IFT74: variants seen among roughly 807,000 people sequenced by gnomAD.
IFT74 encodes the protein intraflagellar transport protein 74 homolog.
Under a neutral mutation model 96.7 loss-of-function variants are expected in IFT74, and 92 were observed. The ratio of observed to expected loss-of-function variants is 0.95; its 90% CI spans 0.80 to 1.13. The LOEUF (loss-of-function observed/expected upper bound fraction) is 1.13, where lower values mean the gene tolerates loss of function less well. IFT74 is among the 50% of genes most tolerant of loss of function. The probability of loss-of-function intolerance (pLI) is 0.00; values close to 1 mark genes in which losing one functional copy is unlikely to be tolerated. For missense variants in IFT74, 811 were observed against 698.2 expected (o/e 1.16, Z -1.82); for synonymous variants, 223 against 213.2 (o/e 1.05, Z -0.40).
chr9:27,011,645 G>GTTT (rs56762171), intron 9 of IFT74, among the ~76,000 whole-genome samples: 3 of 133,646 alleles, frequency 2.2e-5, no homozygotes, highest in Non-Finnish European at 3.3e-5. Context: ...AACTCATGAA[G>GTTT]TTTTTTTTTT....
At chr9:26,990,222 A>C in intron 8 of IFT74, 27 bp downstream of exon 8, 2 of 1,182,486 alleles carry the variant, frequency 1.7e-6, no homozygotes, top group Non-Finnish European at 2.3e-6. Flanking sequence ...TAAAAATTAG[A>C]TTCATAAGTA....
At chr9:27,001,531 T>A (rs1321629688) in intron 8 of IFT74, among the ~76,000 whole-genome samples, 1 of 152,176 alleles carries the variant, frequency 6.6e-6, no homozygotes, top group African/African-American at 2.4e-5. Context: ...ATCATTGTAG[T>A]TTTGATTTGC....
At chr9:27,032,582 T>A (rs1401107067) in intron 13 of IFT74, among the ~76,000 whole-genome samples, 2 of 152,066 alleles carry the variant, frequency 1.3e-5, no homozygotes, top group African/African-American at 4.8e-5. Flanking sequence ...AAAAAAAGTG[T>A]CCTGGCCGGG....
intron 9 of IFT74, 151 bp downstream of exon 9, chr9:27,009,309 T>A: frequency 1.8e-6 from 1 of 544,106 alleles, no homozygotes; most frequent in Non-Finnish European, 3.1e-6. Flanking sequence ...GATTCATACG[T>A]ATATTCACAT....
At chr9:27,004,284 G>A (rs1828661133) in intron 8 of IFT74, among the ~76,000 whole-genome samples, 1 of 152,170 alleles carries the variant, frequency 6.6e-6, no homozygotes, top group South Asian at 2.1e-4. Flanking sequence ...ATTAGAAAAG[G>A]ATTTTTTTTC....
intron 8 of IFT74, chr9:26,998,001 A>T (rs768442606): frequency 6.2e-7 from 1 of 1,613,934 alleles, no homozygotes. Flanking sequence ...ACATAGATGG[A>T]GTTTCTACAG....
intron 16 of IFT74, among the ~76,000 whole-genome samples, chr9:27,053,805 A>G (rs1820037838): frequency 6.6e-6 from 1 of 152,244 alleles, no homozygotes; most frequent in African/African-American, 2.4e-5. Context: ...TTTACTCCAA[A>G]TAGTCAAAAT....
At chr9:27,025,443 C>CAAAAAAAAAAAAA (rs57335230) in intron 12 of IFT74, among the ~76,000 whole-genome samples, 6 of 77,716 alleles carry the variant, frequency 7.7e-5, no homozygotes, top group East Asian at 3.4e-4. Flanking sequence ...ACTCCATCTC[C>CAAAAAAAAAAAAA]AAAAAAAAAA....
At chr9:26,988,625 A>G (rs772472123) in intron 6 of IFT74, 44 bp from the exon 7 acceptor site, 4 of 1,493,238 alleles carry the variant, frequency 2.7e-6, no homozygotes, top group Middle Eastern at 1.8e-4. Flanking sequence ...ACATGTGTAA[A>G]GACTAACAAA....
intron 8 of IFT74, chr9:26,994,490 C>T (rs951739904): frequency 1.3e-5 from 2 of 148,248 alleles, no homozygotes; most frequent in African/African-American, 5.0e-5. Flanking sequence ...TGATCTGAGA[C>T]TGCGCTGCTG....
At chr9:26,954,286 T>C (rs1268343507), upstream of IFT74, among the ~76,000 whole-genome samples, 1 of 152,194 alleles carries the variant, frequency 6.6e-6, no homozygotes, top group Non-Finnish European at 1.5e-5. Flanking sequence ...GAATCACAAG[T>C]GGCCAACTAG....
chr9:26,996,481 A>T lies in IFT74; in HGVS notation c.587+6286A>T, dbSNP rs146705309. 4 of 1,480,598 alleles carry T rather than the reference A, an allele frequency of 2.7e-6. No homozygotes were observed. In the African/African-American group the frequency reaches 5.6e-5, roughly 21 times the overall value. The allele number at this position is 1,480,598 out of a possible 1,614,324, so 91.7% of individuals were successfully genotyped here. A position where few individuals can be genotyped will look rare whatever the true frequency, so the allele number is the denominator to read the frequency against. On this transcript the variant is annotated intron_variant, in intron 8 of 19. Coordinates refer to ENST00000380062, the MANE Select transcript of IFT74 (RefSeq NM_025103.4). ...CTGCAGGCTGTTGGGGTAGCTACAC[A>T]TGGTGATGTTCTCATTTTCTAGTAA...
At chr9:27,024,245 A>T (rs1286435498) in intron 12 of IFT74, among the ~76,000 whole-genome samples, 2 of 152,128 alleles carry the variant, frequency 1.3e-5, no homozygotes. Flanking sequence ...TACAACCAAG[A>T]ACTCTCACAG....
chr9:27,052,164 C>T (rs1819950230), intron 16 of IFT74, among the ~76,000 whole-genome samples: 1 of 152,088 alleles, frequency 6.6e-6, no homozygotes, highest in Non-Finnish European at 1.5e-5. Flanking sequence ...ATAATCAAGA[C>T]TTTGTATTCA....
intron 1 of IFT74, chr9:26,947,162 A>T (rs1825761754): frequency 8.2e-7 from 1 of 1,222,158 alleles, no homozygotes; most frequent in Non-Finnish European, 1.1e-6. Context: ...GGGCGGCCGG[A>T]GACCGGAAGA....
intron 3 of IFT74, among the ~76,000 whole-genome samples, chr9:26,979,521 C>G (rs73436012): frequency 0.064 from 9,707 of 151,982 alleles, 370 homozygotes; most frequent in Middle Eastern, 0.15. Context: ...TACCACTACA[C>G]AGAACTGTCT....
At chr9:26,971,078 G>C (rs1435737524) in intron 2 of IFT74, among the ~76,000 whole-genome samples, 1 of 152,106 alleles carries the variant, frequency 6.6e-6, no homozygotes, top group Non-Finnish European at 1.5e-5. Flanking sequence ...TCTAAACCTG[G>C]GTATGATGTT....
At chr9:26,971,598 A>G (rs1030988180) in intron 2 of IFT74, among the ~76,000 whole-genome samples, 2 of 152,202 alleles carry the variant, frequency 1.3e-5, no homozygotes, top group African/African-American at 4.8e-5. Context: ...TAAGTGAAAG[A>G]CAGGTGTTTC....
Position 27,009,022 on chromosome 9 carries a change from A to G in IFT74, c.590A>G (p.Lys197Arg), listed in dbSNP as rs1234001054. ...LDVIFTERQA[K>R]EKQIRSVEEE... is the part of the protein sequence containing the mutation. Reference sequence around the variant, plus strand: ...ATATTACGTGCTTCTGATTTTAGGAAAGAAAAACAAATCAGAAGTGTCGAA... The same window carrying G: ...ATATTACGTGCTTCTGATTTTAGGAGAGAAAAACAAATCAGAAGTGTCGAA... Residue 197 changes from lysine (K) to arginine (R), a missense_variant and splice_region_variant, in exon 9 of 20, where the codon AAA becomes AGA. Transcript: ENST00000380062. 5.6e-6 allele frequency: 9 copies of G among 1,610,760 alleles called. No individual in the cohort carries two copies. Among genetic ancestry groups the G allele is most frequent in the Non-Finnish European group, 7.6e-6 (9 of 1,178,130 alleles).
Sources: allele counts gnomAD v4.1 joint callset (sites outside exome capture counted in the v4.1 genomes callset), GRCh38; gene constraint gnomAD v4.1.1; transcripts MANE v1.5; gene names NCBI Gene and HGNC (gene_info 2026-07-23, HGNC 2026-07-21).